The following DIPK2B variants were observed in gnomAD, a reference collection of about 807,000 sequenced individuals.
DIPK2B encodes the protein divergent protein kinase domain 2B.
In DIPK2B, 15 loss-of-function variants were observed where a neutral mutation model predicts 22.2. The ratio of observed to expected loss-of-function variants is 0.68; its 90% CI spans 0.45 to 1.04. The LOEUF (loss-of-function observed/expected upper bound fraction) is 1.04, where lower values mean the gene tolerates loss of function less well. DIPK2B is among the 50% of genes least tolerant of loss of function. DIPK2B has a pLI of 0.00. For synonymous variants in DIPK2B, 163 were observed against 153.2 expected (o/e 1.06, Z -0.47); for missense variants, 345 against 348.3 (o/e 0.99, Z 0.08).
Position 45,154,020 on chromosome X carries a change from T to C in DIPK2B, c.851A>G (p.Asn284Ser). 8.3e-7 allele frequency: 1 copy of C among 1,210,971 alleles called. No individual in the cohort carries two copies. The highest frequency in any genetic ancestry group is 1.8e-5 in the South Asian group (1 of 56,946). ...AATGTGGGTGAAGTAGAAGAAATAG[T>C]TCAAATCGTTGCTCCTCAAAGACTC... ...VLESLRSNDLNYFFYFTHIDA... is the reference protein window; with the variant it reads ...VLESLRSNDLSYFFYFTHIDA... The change falls in exon 4 of 5, where the codon AAC becomes AGC. Residue 284 changes from asparagine (N) to serine (S), a missense_variant. Physicochemically the swap from Asn to Ser is conservative, Grantham distance 46. Transcript: ENST00000398000.
intron 2 of DIPK2B, among the ~76,000 whole-genome samples, chrX:45,166,873 A>G (rs1388316910): frequency 8.9e-6 from 1 of 112,246 alleles, no homozygotes; most frequent in East Asian, 2.8e-4. Context: ...AATCTTGAAC[A>G]AATGAATTTT....
At chrX:45,199,550 C>G (rs1410276162) in intron 1 of DIPK2B, among the ~76,000 whole-genome samples, 1 of 111,199 alleles carries the variant, frequency 9.0e-6, no homozygotes, top group Admixed American at 9.5e-5. Flanking sequence ...TCTTCCCACA[C>G]CTTTGCTTAA....
In DIPK2B at chrX:45,191,803, T is replaced by C. The variant is rs1312127152; in HGVS notation, c.446A>G (p.Glu149Gly). The change falls in exon 2 of 5, where the codon GAG becomes GGG. Residue 149 changes from glutamate (E) to glycine (G), a missense_variant. Physicochemically the swap from Glu to Gly is moderately conservative, Grantham distance 98. Coordinates refer to ENST00000398000, the MANE Select transcript of DIPK2B (RefSeq NM_176819.4). ...GGCCTGCAGCCATTTCTGGAACCTC[T>C]CTGTTTTCCGCAGGACACGCTCAAT... ...CSIERVLRKT[E>G]RFQKWLQAKR... 8.3e-7 allele frequency: 1 copy of C among 1,210,530 alleles called. No individual in the cohort carries two copies. Among genetic ancestry groups the C allele is most frequent in the African/African-American group, 1.7e-5 (1 of 57,288 alleles).
At position 45,158,649 on chromosome X, in the gene DIPK2B, T is replaced by G. The variant is rs762080643; in HGVS notation, c.499-761A>C. ...GCATGAACCTCCTGATAAAAAAAAATAGAGTTAAGAACAAGGCCCTGAGGC... is the reference window on the plus strand; with the variant it reads ...GCATGAACCTCCTGATAAAAAAAAAGAGAGTTAAGAACAAGGCCCTGAGGC... On this transcript the variant is annotated intron_variant, in intron 2 of 4. Transcript: ENST00000398000. 8.3e-5 allele frequency among the ~76,000 whole-genome samples: 9 copies of G among 108,768 alleles called. No homozygotes were observed. In the South Asian group the frequency reaches 3.5e-3, roughly 43 times the overall value. 94.5% of individuals were successfully genotyped at this position (108,768 alleles called of 115,157 possible). A position where few individuals can be genotyped will look rare whatever the true frequency, so the allele number is the denominator to read the frequency against.
chrX:45,163,412 C>CA (rs1429770972), intron 2 of DIPK2B: 1 of 752,402 alleles, frequency 1.3e-6, no homozygotes, highest in Admixed American at 8.8e-5. Context: ...TCGTTCATTA[C>CA]AAAAATGGAC....
chrX:45,165,748 A>G (rs746319933), intron 2 of DIPK2B, among the ~76,000 whole-genome samples: 1 of 112,219 alleles, frequency 8.9e-6, no homozygotes, highest in East Asian at 2.8e-4. Context: ...AACCAGAGAC[A>G]CTGCTGGAGT....
intron 2 of DIPK2B, chrX:45,163,407 C>T: frequency 1.3e-6 from 1 of 754,136 alleles, no homozygotes; most frequent in Non-Finnish European, 1.6e-6. Context: ...AACACTCGTT[C>T]ATTACAAAAA....
intron 2 of DIPK2B, among the ~76,000 whole-genome samples, chrX:45,185,084 T>C (rs1603113235): frequency 8.9e-6 from 1 of 112,343 alleles, no homozygotes; most frequent in Non-Finnish European, 1.9e-5. Context: ...GATATAGTGG[T>C]TAAGTTCTGC....
chrX:45,158,797 A>G (rs1282565151), intron 2 of DIPK2B, among the ~76,000 whole-genome samples: 4 of 112,137 alleles, frequency 3.6e-5, no homozygotes, highest in Non-Finnish European at 5.6e-5. Context: ...GATCATGAGG[A>G]TCAAGTAAAT....
chrX:45,170,990 G>A (rs957556943), intron 2 of DIPK2B, among the ~76,000 whole-genome samples: 7 of 111,358 alleles, frequency 6.3e-5, no homozygotes, highest in East Asian at 2.8e-4. Context: ...TTGTACATAG[G>A]GGTGGAGCCA....
intron 2 of DIPK2B, among the ~76,000 whole-genome samples, chrX:45,187,685 T>C (rs2047191186): frequency 9.0e-6 from 1 of 111,631 alleles, no homozygotes. Flanking sequence ...CTGCTGGGGC[T>C]TTTCATCCAA....
In DIPK2B at chrX:45,173,455, G is replaced by A. The variant is rs762042669; in HGVS notation, c.499-15567C>T. Among the ~76,000 whole-genome samples, 20 of 111,090 alleles carry A rather than the reference G, an allele frequency of 1.8e-4. 1 individual carries two copies. The highest frequency in any genetic ancestry group is 1.3e-3 in the Admixed American group (14 of 10,508). ...GGTGATGCATTCTCTGGGTACCTGA[G>A]AGAAGCTCCTGGTACACTGAACATC... On this transcript the variant is annotated intron_variant, in intron 2 of 4. Transcript: ENST00000398000.
chrX:45,195,569 C>T (rs913365542), intron 1 of DIPK2B, among the ~76,000 whole-genome samples: 2 of 112,038 alleles, frequency 1.8e-5, no homozygotes, highest in Admixed American at 9.5e-5. Context: ...CTGCACTGAA[C>T]CTTTAACCCA....
rs893225499 is a variant in DIPK2B, at chrX:45,155,509, G to A, written c.673-1311C>T. ...TTCTCGGACAGGGCAAAAATCATAA[G>A]GGTGGTCTGTGGGTGACTGAAGTTT... On this transcript the variant is annotated intron_variant, in intron 3 of 4. Transcript: ENST00000398000. Among the ~76,000 whole-genome samples, 9 of 108,890 alleles carry A rather than the reference G, an allele frequency of 8.3e-5. No homozygotes were observed. In the East Asian group the frequency reaches 2.6e-3, roughly 31 times the overall value. 94.6% of individuals were successfully genotyped at this position (108,890 alleles called of 115,157 possible). A position where few individuals can be genotyped will look rare whatever the true frequency, so the allele number is the denominator to read the frequency against.
At chrX:45,174,128 A>T (rs2047103326) in intron 2 of DIPK2B, among the ~76,000 whole-genome samples, 1 of 111,650 alleles carries the variant, frequency 9.0e-6, no homozygotes, top group African/African-American at 3.3e-5. Flanking sequence ...GTTCCAACCC[A>T]GGTCTGTCAC....
chrX:45,158,630 A>G (rs890571399), intron 2 of DIPK2B, among the ~76,000 whole-genome samples: 2 of 109,810 alleles, frequency 1.8e-5, no homozygotes, highest in African/African-American at 6.6e-5. Flanking sequence ...AAGAGCATGA[A>G]CCTCCTGATA....
intron 2 of DIPK2B, among the ~76,000 whole-genome samples, chrX:45,172,249 T>C (rs2047087196): frequency 8.9e-6 from 1 of 112,243 alleles, no homozygotes; most frequent in African/African-American, 3.2e-5. Context: ...TCCTTGCAAC[T>C]ACTGCTCCCT....
At chrX:45,191,629 C>G (rs1000358348) in intron 2 of DIPK2B, 122 bp downstream of exon 2, 3 of 881,618 alleles carry the variant, frequency 3.4e-6, no homozygotes, top group Admixed American at 6.1e-5. Flanking sequence ...AGTGTTTTGT[C>G]ACACTTCAGA....
chrX:45,192,769 G>A (rs2047219695), intron 1 of DIPK2B, among the ~76,000 whole-genome samples: 1 of 111,267 alleles, frequency 9.0e-6, no homozygotes, highest in Admixed American at 9.6e-5. Flanking sequence ...TGGGGGAGAG[G>A]CATTGGCTTA....
Sources: gnomAD v4.1 joint callset for allele counts (sites outside exome capture counted in the v4.1 genomes callset) on GRCh38, gnomAD v4.1.1 for gene constraint, MANE v1.5 for transcripts, NCBI Gene and HGNC (gene_info 2026-07-23, HGNC 2026-07-21) for gene names.